Variants in ZSCAN5A observed in about 807,000 individuals in gnomAD.
ZSCAN5A encodes zinc finger and SCAN domain containing 5A.
ZSCAN5A carries 12 observed loss-of-function variants against 23.7 expected under a neutral mutation model. The observed-to-expected ratio is 0.51, with a 90% CI of 0.32 to 0.82. The LOEUF (loss-of-function observed/expected upper bound fraction) is 0.82, where lower values mean the gene tolerates loss of function less well. Among genes scored for constraint, ZSCAN5A ranks in the 40% least tolerant of loss-of-function variants. The pLI is 0.03. For missense variants in ZSCAN5A, 597 were observed against 617.9 expected, an observed-to-expected ratio of 0.97 and a Z score of 0.36; for synonymous variants, 257 against 239.9, an observed-to-expected ratio of 1.07 and a Z score of -0.66.
rs556212467 is a variant in ZSCAN5A, at chr19:56,241,099, T to C, written c.-127-15926A>G. On this transcript the variant is annotated intron_variant, in intron 2 of 5. Transcript: ENST00000683990. ...AATGAGCATCAACCTACTAGGCCAA[T>C]GAGAATGTGCACTAAGTGTCCCTAC... Among the ~76,000 whole-genome samples, 7 of 152,328 alleles carry C rather than the reference T, an allele frequency of 4.6e-5. No homozygotes were observed. The South Asian group carries it at 1.4e-3, about 32-fold the overall frequency.
At chr19:56,359,739 T>C (rs1000979961) in intron 2 of ZSCAN5A, among the ~76,000 whole-genome samples, 6 of 152,190 alleles carry the variant, frequency 3.9e-5, no homozygotes, top group Non-Finnish European at 7.3e-5. Flanking sequence ...CATGAACAAG[T>C]TGGCTTCATT....
chr19:56,299,595 G>A lies in ZSCAN5A; in HGVS notation c.-128+13688C>T, dbSNP rs144394478. On this transcript the variant is annotated intron_variant, in intron 2 of 5. Coordinates refer to ENST00000683990, the MANE Select transcript of ZSCAN5A (RefSeq NM_001322064.3). Reference sequence around the variant, plus strand: ...CAGGGGTTGGGTCCAGGACCTCCCCGCAGATAGCAAAATTCCTTGATGTTC... The same window carrying A: ...CAGGGGTTGGGTCCAGGACCTCCCCACAGATAGCAAAATTCCTTGATGTTC... Among the ~76,000 whole-genome samples the A allele has an allele frequency of 2.8e-3, 430 of 152,230 alleles. 1 individual carries two copies. The highest frequency in any genetic ancestry group is 0.01 in the African/African-American group (419 of 41,534).
intron 1 of ZSCAN5A, chr19:56,364,813 A>G (rs2041755102): frequency 1.3e-5 from 2 of 152,268 alleles, no homozygotes; most frequent in South Asian, 4.1e-4. Flanking sequence ...GCAAAAGAAT[A>G]CATATTGTAT....
At chr19:56,287,823 A>C (rs2039241071) in intron 2 of ZSCAN5A, among the ~76,000 whole-genome samples, 1 of 152,176 alleles carries the variant, frequency 6.6e-6, no homozygotes, top group Admixed American at 6.5e-5. Flanking sequence ...TCAGCCAATG[A>C]ATTTCCAAGT....
chr19:56,310,732 A>G (rs1472995389), intron 2 of ZSCAN5A, among the ~76,000 whole-genome samples: 1 of 152,184 alleles, frequency 6.6e-6, no homozygotes, highest in Non-Finnish European at 1.5e-5. Context: ...CTGTTCCAGG[A>G]GGAAGCCGTA....
At chr19:56,292,585 C>A (rs1292008046) in intron 2 of ZSCAN5A, among the ~76,000 whole-genome samples, 1 of 152,004 alleles carries the variant, frequency 6.6e-6, no homozygotes, top group East Asian at 1.9e-4. Flanking sequence ...ACTGCACCCA[C>A]CTTAACCACT....
Position 56,221,974 on chromosome 19 carries a change from C to T in ZSCAN5A, c.1092G>A (p.Arg364=). The T allele has an allele frequency of 1.2e-6, 2 of 1,613,770 alleles. No individual in the cohort carries two copies. Among genetic ancestry groups the T allele is most frequent in the South Asian group, 2.2e-5 (2 of 91,082 alleles). ...TGACTAGCTTGGAATTACACGTAAA[C>T]CTCTTCTCGCACACGTCACATGCAA... The part of the protein sequence containing the change: ...PPFACDVCEK[R]FTCNSKLVIH... The change falls in exon 6 of 6, where the codon AGG becomes AGA. Residue 364 remains arginine, a synonymous_variant. Coordinates refer to ENST00000683990, the MANE Select transcript of ZSCAN5A (RefSeq NM_001322064.3).
intron 2 of ZSCAN5A, chr19:56,343,123 A>C: frequency 1.3e-6 from 1 of 745,898 alleles, no homozygotes; most frequent in Non-Finnish European, 2.5e-6. Context: ...CCACAATTTC[A>C]TCCTTCAAAT....
intron 2 of ZSCAN5A, chr19:56,247,045 G>C: frequency 1.2e-6 from 1 of 834,662 alleles, no homozygotes; most frequent in South Asian, 1.4e-5. Context: ...AGAAGCCAAG[G>C]AACTGCTGCC....
chr19:56,303,285 C>T (rs754544475), intron 2 of ZSCAN5A, among the ~76,000 whole-genome samples: 12 of 152,116 alleles, frequency 7.9e-5, no homozygotes, highest in Non-Finnish European at 1.5e-4. Context: ...CAAGACCAGC[C>T]TGGTCAACAT....
chr19:56,289,475 C>T (rs976682736), intron 2 of ZSCAN5A, among the ~76,000 whole-genome samples: 6 of 152,142 alleles, frequency 3.9e-5, no homozygotes, highest in East Asian at 1.9e-4. Flanking sequence ...TCGGGTAAGA[C>T]GGAGAGAGAC....
intron 2 of ZSCAN5A, among the ~76,000 whole-genome samples, chr19:56,252,200 G>C (rs2036391502): frequency 6.6e-6 from 1 of 152,202 alleles, no homozygotes; most frequent in Admixed American, 6.5e-5. Flanking sequence ...CTGGGTAAGA[G>C]AGGATATGGG....
At chr19:56,297,633 G>C in intron 2 of ZSCAN5A, 3 of 650,714 alleles carry the variant, frequency 4.6e-6, no homozygotes, top group African/African-American at 2.2e-5. Context: ...GGTAATCAAG[G>C]CCCTGCAGGG....
intron 2 of ZSCAN5A, chr19:56,320,387 G>A (rs764125202): frequency 1.1e-4 from 38 of 339,708 alleles, no homozygotes; most frequent in Admixed American, 1.7e-4. Context: ...TTAGCCAGGC[G>A]TGGTGATGTC....
At chr19:56,300,957 C>T (rs933285941) in intron 2 of ZSCAN5A, among the ~76,000 whole-genome samples, 5 of 152,122 alleles carry the variant, frequency 3.3e-5, no homozygotes, top group Admixed American at 2.6e-4. Context: ...CCTGCTGGCA[C>T]TCATGTGGGA....
At chr19:56,249,016 C>A (rs146342773) in intron 2 of ZSCAN5A, among the ~76,000 whole-genome samples, 16 of 152,214 alleles carry the variant, frequency 1.1e-4, no homozygotes, top group Admixed American at 2.6e-4. Context: ...CACTGCCCCC[C>A]CCGAATCCTC....
chr19:56,343,147 C>G, intron 2 of ZSCAN5A: 1 of 729,516 alleles, frequency 1.4e-6, no homozygotes, highest in Non-Finnish European at 2.5e-6. Context: ...TAAAATGGTC[C>G]TTTATTTCAT....
intron 3 of ZSCAN5A, 50 bp downstream of exon 3, chr19:56,224,613 C>T (rs35387551): frequency 0.22 from 340,802 of 1,518,738 alleles, 11,412 homozygotes; most frequent in Non-Finnish European, 0.24. Flanking sequence ...CACCGTGCAG[C>T]CCCCATCCCA....
intron 2 of ZSCAN5A, among the ~76,000 whole-genome samples, chr19:56,309,184 G>A (rs1174510054): frequency 6.6e-6 from 1 of 152,220 alleles, no homozygotes; most frequent in Non-Finnish European, 1.5e-5. Context: ...TGTGCTGAGT[G>A]AAAGAAGCAG....
Sources: allele counts gnomAD v4.1 joint callset (sites outside exome capture counted in the v4.1 genomes callset), GRCh38; gene constraint gnomAD v4.1.1; transcripts MANE v1.5; gene names NCBI Gene and HGNC (gene_info 2026-07-23, HGNC 2026-07-21).